Variants in RUNX1 observed in about 807,000 individuals in gnomAD.
RUNX1 encodes the protein runt-related transcription factor 1.
A neutral mutation model predicts 42.8 loss-of-function variants in RUNX1; 19 were observed. The ratio of observed to expected loss-of-function variants is 0.44; its 90% CI spans 0.31 to 0.65. The LOEUF is 0.65. Among genes scored for constraint, RUNX1 ranks in the 30% least tolerant of loss-of-function variants. The probability of loss-of-function intolerance (pLI) is 0.07; values close to 1 mark genes in which losing one functional copy is unlikely to be tolerated. For missense variants in RUNX1, 528 were observed against 672.0 expected (o/e 0.79, Z 2.37); for synonymous variants, 271 against 289.4 (o/e 0.94, Z 0.64).
At chr21:34,846,826 C>T (rs935145745) in intron 6 of RUNX1, among the ~76,000 whole-genome samples, 5 of 152,296 alleles carry the variant, frequency 3.3e-5, no homozygotes, top group African/African-American at 9.6e-5. Flanking sequence ...AAGAATAGAA[C>T]GGGTTTCTCT....
chr21:34,818,778 G>A (rs2056867536), intron 7 of RUNX1, among the ~76,000 whole-genome samples: 1 of 152,214 alleles, frequency 6.6e-6, no homozygotes, highest in Non-Finnish European at 1.5e-5. Flanking sequence ...ATCATACCCT[G>A]CCTGTTTGGG....
At chr21:34,912,415 C>T (rs1238530355) in intron 2 of RUNX1, among the ~76,000 whole-genome samples, 1 of 152,010 alleles carries the variant, frequency 6.6e-6, no homozygotes, top group Admixed American at 6.6e-5. Context: ...CGGTCAACAA[C>T]CTAAGCAACC....
intron 2 of RUNX1, among the ~76,000 whole-genome samples, chr21:35,042,684 C>A (rs1241974519): frequency 6.6e-6 from 1 of 152,182 alleles, no homozygotes; most frequent in Admixed American, 6.5e-5. Context: ...CAGGCCATCT[C>A]TCCCTGGCCT....
At chr21:34,835,097 C>A (rs970731921) in intron 6 of RUNX1, among the ~76,000 whole-genome samples, 1 of 152,086 alleles carries the variant, frequency 6.6e-6, no homozygotes, top group Non-Finnish European at 1.5e-5. Context: ...AGTGGTAGGG[C>A]CCCTTCCAAG....
chr21:34,863,550 C>CTTTTT lies in RUNX1; in HGVS notation c.509-3977_509-3973dup, dbSNP rs34743281. On this transcript the variant is annotated intron_variant, in intron 5 of 8. Coordinates refer to ENST00000675419, the MANE Select transcript of RUNX1 (RefSeq NM_001754.5). Reference sequence around the variant, plus strand: ...TGAATTCTCATTATTTCATGCCCATCTTTTTTTTTTTTTTTTTTTTTTGAG... The same window carrying CTTTTT: ...TGAATTCTCATTATTTCATGCCCATCTTTTTTTTTTTTTTTTTTTTTTTTTTTGAG... 5.7e-4 allele frequency among the ~76,000 whole-genome samples: 62 copies of CTTTTT among 109,118 alleles called. 1 individual carries two copies. Among genetic ancestry groups the CTTTTT allele is most frequent in the African/African-American group, 1.1e-3 (29 of 26,442 alleles). The allele number at this position is 109,118 out of a possible 152,430, so 71.6% of individuals were successfully genotyped here.
At chr21:35,004,245 T>C (rs2059067444) in intron 2 of RUNX1, among the ~76,000 whole-genome samples, 1 of 152,242 alleles carries the variant, frequency 6.6e-6, no homozygotes, top group Non-Finnish European at 1.5e-5. Flanking sequence ...GTCACATCCA[T>C]GATGGTGACA....
intron 5 of RUNX1, among the ~76,000 whole-genome samples, chr21:34,879,256 C>T (rs1375741548): frequency 6.6e-6 from 1 of 152,200 alleles, no homozygotes; most frequent in Non-Finnish European, 1.5e-5. Context: ...TATCTTATAG[C>T]ATCACTCATG....
intron 2 of RUNX1, among the ~76,000 whole-genome samples, chr21:35,040,123 A>G (rs1381065078): frequency 1.3e-5 from 2 of 152,198 alleles, no homozygotes; most frequent in African/African-American, 4.8e-5. Context: ...TATACTTTCA[A>G]AGTGGGTGAA....
chr21:34,827,287 C>T (rs976196983), intron 7 of RUNX1, among the ~76,000 whole-genome samples: 2 of 152,168 alleles, frequency 1.3e-5, no homozygotes, highest in East Asian at 3.8e-4. Context: ...ATTGAGGCTG[C>T]TGTGTGGCTA....
intron 2 of RUNX1, among the ~76,000 whole-genome samples, chr21:34,987,155 CG>C (rs1569138386): frequency 6.6e-6 from 1 of 152,206 alleles, no homozygotes; most frequent in South Asian, 2.1e-4. Context: ...TGACTAGGCT[CG>C]GGGTTTCTAA....
chr21:34,874,192 A>G (rs1445436537), intron 5 of RUNX1, among the ~76,000 whole-genome samples: 1 of 151,942 alleles, frequency 6.6e-6, no homozygotes, highest in Non-Finnish European at 1.5e-5. Flanking sequence ...TCCACTGGCT[A>G]AGAATCAATG....
chr21:34,953,993 G>A (rs1167754473), intron 2 of RUNX1, among the ~76,000 whole-genome samples: 1 of 152,156 alleles, frequency 6.6e-6, no homozygotes, highest in East Asian at 1.9e-4. Context: ...AAATGGCTTT[G>A]ATATTTCCAA....
At chr21:34,985,849 TCAA>T (rs1157103984) in intron 2 of RUNX1, among the ~76,000 whole-genome samples, 44 of 149,998 alleles carry the variant, frequency 2.9e-4, no homozygotes, top group Admixed American at 2.9e-3. Flanking sequence ...TGGTGGTCTA[TCAA>T]CAACTCTGAC....
intron 5 of RUNX1, among the ~76,000 whole-genome samples, chr21:34,867,700 T>C (rs138024348): frequency 0.013 from 2,013 of 152,290 alleles, 19 homozygotes; most frequent in Non-Finnish European, 0.023. Flanking sequence ...ATTTTCCCTT[T>C]CTAATCTTCC....
At chr21:34,854,897 G>A (rs2146210340) in intron 6 of RUNX1, among the ~76,000 whole-genome samples, 1 of 152,268 alleles carries the variant, frequency 6.6e-6, no homozygotes, top group South Asian at 2.1e-4. Flanking sequence ...CCCGGCATCT[G>A]CTGGGTTACA....
chr21:34,797,177 T>C (rs1005858882), intron 8 of RUNX1, among the ~76,000 whole-genome samples: 1 of 152,258 alleles, frequency 6.6e-6, no homozygotes, highest in Non-Finnish European at 1.5e-5. Context: ...TCTATGCCAC[T>C]GTGAAAGCTC....
chr21:34,870,347 C>G (rs75180589), intron 5 of RUNX1, among the ~76,000 whole-genome samples: 5,860 of 152,260 alleles, frequency 0.038, 340 homozygotes, highest in African/African-American at 0.13. Flanking sequence ...CAGACAAGGG[C>G]AAAATCAGGC....
At chr21:34,964,944 G>A (rs1481419974) in intron 2 of RUNX1, among the ~76,000 whole-genome samples, 1 of 151,976 alleles carries the variant, frequency 6.6e-6, no homozygotes, top group Non-Finnish European at 1.5e-5. Context: ...CTATGTGCTT[G>A]TACACATGCA....
rs1056979363 is a variant in RUNX1, at chr21:34,843,176, A to C, written c.614-8575T>G. 6.6e-6 allele frequency among the ~76,000 whole-genome samples: 1 copy of C among 152,164 alleles called. No individual in the cohort carries two copies. Among genetic ancestry groups the C allele is most frequent in the African/African-American group, 2.4e-5 (1 of 41,408 alleles). On this transcript the variant is annotated intron_variant, in intron 6 of 8. Transcript: ENST00000675419. The surrounding 1 kb of genome is among the most constrained non-coding windows in gnomAD (Gnocchi z 4.8). ...CACAAACACAGGCATGCATGTAAAC[A>C]CATACAGACACACACATACACAGAC... is the stretch of plus-strand genomic sequence containing the variant.
Sources: gnomAD v4.1 joint callset for allele counts (sites outside exome capture counted in the v4.1 genomes callset) on GRCh38, gnomAD v4.1.1 for gene constraint, Gnocchi (gnomAD v3.1) non-coding constraint, MANE v1.5 for transcripts, NCBI Gene and HGNC (gene_info 2026-07-23, HGNC 2026-07-21) for gene names.